The following NBAS variants were observed in gnomAD, a reference collection of about 807,000 sequenced individuals.
The protein encoded by NBAS is NAG/BC035112 fusion.
Under a neutral mutation model 302.5 loss-of-function variants are expected in NBAS, and 219 were observed. The observed-to-expected ratio is 0.72, with a 90% confidence interval of 0.65 to 0.81. NBAS has a LOEUF of 0.81. Ranked by LOEUF, NBAS falls within the 30% of genes least tolerant of loss-of-function variation. The pLI is 0.00. For missense variants in NBAS, 2,932 were observed against 2,841.6 expected (o/e 1.03, Z -0.72); for synonymous variants, 1,118 against 1,021.6 (o/e 1.09, Z -1.80).
At chr2:14,897,995 A>C in the NBAS span, among the ~76,000 whole-genome samples, 1 of 152,164 alleles carries the variant, frequency 6.6e-6, no homozygotes, top group Non-Finnish European at 1.5e-5. Flanking sequence ...GGAGGGTCCC[A>C]GTGTTTGTTC....
the NBAS span, among the ~76,000 whole-genome samples, chr2:14,850,818 C>A: frequency 4.4e-5 from 4 of 90,066 alleles, no homozygotes; most frequent in Non-Finnish European, 7.8e-5. Context: ...ACAACCTGCT[C>A]CTGAATGACT....
At chr2:15,552,954 G>A (rs946621824) in intron 5 of NBAS, among the ~76,000 whole-genome samples, 1 of 152,072 alleles carries the variant, frequency 6.6e-6, no homozygotes, top group African/African-American at 2.4e-5. Context: ...ACAGGTGTGC[G>A]CCACCATGCC....
the NBAS span, among the ~76,000 whole-genome samples, chr2:14,849,360 C>T: frequency 1.4e-4 from 21 of 150,210 alleles, no homozygotes; most frequent in African/African-American, 3.4e-4. Flanking sequence ...TGAAATGAAG[C>T]GAGAAGGGAA....
the NBAS span, among the ~76,000 whole-genome samples, chr2:14,867,742 G>C: frequency 6.6e-6 from 1 of 152,036 alleles, no homozygotes; most frequent in Non-Finnish European, 1.5e-5. Flanking sequence ...TTTTGTTGTG[G>C]TTTATTTGCT....
intron 26 of NBAS, among the ~76,000 whole-genome samples, chr2:15,399,694 A>C (rs59232044): frequency 0.015 from 2,282 of 152,290 alleles, 59 homozygotes; most frequent in African/African-American, 0.052. Flanking sequence ...ACATACCCTA[A>C]AGGTCTGAAG....
In NBAS at chr2:15,334,156, G is replaced by T. The variant is rs919637783; in HGVS notation, c.4180-3391C>A. 7.3e-5 allele frequency among the ~76,000 whole-genome samples: 11 copies of T among 151,466 alleles called. No individual in the cohort carries two copies. The East Asian group carries it at 2.1e-3, about 29-fold the overall frequency. ...TTAAATAAGCTGCCTACAGACAACT[G>T]GCCTAGAGGTGTCTCCTCCTCTCTT... On this transcript the variant is annotated intron_variant, in intron 35 of 51. Transcript: ENST00000281513.
At chr2:15,272,745 C>G (rs1669377875) in intron 44 of NBAS, among the ~76,000 whole-genome samples, 1 of 152,124 alleles carries the variant, frequency 6.6e-6, no homozygotes, top group Admixed American at 6.5e-5. Context: ...GAAAGCAATA[C>G]AGTAATTAGC....
chr2:15,228,099 C>T (rs960435164), intron 47 of NBAS, among the ~76,000 whole-genome samples: 22 of 151,890 alleles, frequency 1.4e-4, no homozygotes, highest in East Asian at 1.3e-3. Flanking sequence ...TCAGATAAGG[C>T]GTTAATATTC....
At chr2:14,849,731 C>T in the NBAS span, among the ~76,000 whole-genome samples, 2 of 142,640 alleles carry the variant, frequency 1.4e-5, no homozygotes, top group Admixed American at 6.7e-5. Context: ...CAGCAGATCT[C>T]TTGTCAGAAA....
chr2:14,853,859 G>A, the NBAS span, among the ~76,000 whole-genome samples: 1 of 129,144 alleles, frequency 7.7e-6, no homozygotes, highest in South Asian at 2.6e-4. Context: ...ACTCATAGGT[G>A]GGAATTGAAC....
the NBAS span, among the ~76,000 whole-genome samples, chr2:14,807,785 A>G: frequency 6.8e-4 from 104 of 152,172 alleles, 1 homozygote; most frequent in Non-Finnish European, 1.3e-3. Flanking sequence ...CTTCTCTAAG[A>G]CTTGGCTTTT....
chr2:14,788,736 C>T, the NBAS span, among the ~76,000 whole-genome samples: 694 of 152,266 alleles, frequency 4.6e-3, 3 homozygotes, highest in Middle Eastern at 0.021. Context: ...TCAGTCTGCC[C>T]CTACTGGGGG....
intron 9 of NBAS, among the ~76,000 whole-genome samples, chr2:15,522,737 A>G (rs1023104118): frequency 1.1e-3 from 173 of 152,362 alleles, no homozygotes; most frequent in African/African-American, 4.0e-3. Flanking sequence ...CCACAGGGTT[A>G]TGGGCGCCAG....
At chr2:15,112,049 T>A in the NBAS span, among the ~76,000 whole-genome samples, 1 of 150,660 alleles carries the variant, frequency 6.6e-6, no homozygotes, top group Non-Finnish European at 1.5e-5. Context: ...CTCTGCAAAG[T>A]TATTGAAAGA....
At chr2:15,181,266 T>C (rs749034893) in intron 50 of NBAS, among the ~76,000 whole-genome samples, 2 of 152,210 alleles carry the variant, frequency 1.3e-5, no homozygotes, top group Admixed American at 6.5e-5. Flanking sequence ...TTGGCTTTCA[T>C]GACAAATTTT....
chr2:15,456,238 C>T (rs1679242843), intron 21 of NBAS, among the ~76,000 whole-genome samples: 1 of 152,158 alleles, frequency 6.6e-6, no homozygotes, highest in Non-Finnish European at 1.5e-5. Context: ...AGAAGTTTCC[C>T]AGCTTTCATA....
chr2:15,189,547 G>A (rs1665245799), intron 49 of NBAS, among the ~76,000 whole-genome samples: 1 of 143,406 alleles, frequency 7.0e-6, no homozygotes, highest in Non-Finnish European at 1.5e-5. Flanking sequence ...CCAATGAGAA[G>A]CCACAGCTCA....
chr2:15,197,967 T>C (rs1665697157), intron 48 of NBAS, among the ~76,000 whole-genome samples: 1 of 152,236 alleles, frequency 6.6e-6, no homozygotes, highest in African/African-American at 2.4e-5. Flanking sequence ...AAAGAGGGTC[T>C]TTTTCCATGA....
chr2:15,309,361 C>G, intron 38 of NBAS, 114 bp from the exon 39 acceptor site: 1 of 839,702 alleles, frequency 1.2e-6, no homozygotes, highest in Non-Finnish European at 1.9e-6. Flanking sequence ...TGGCAGAGAC[C>G]TTTTAGGAAA....
Sources: gnomAD v4.1 joint callset for allele counts (sites outside exome capture counted in the v4.1 genomes callset) on GRCh38, gnomAD v4.1.1 for gene constraint, MANE v1.5 for transcripts, NCBI Gene and HGNC (gene_info 2026-07-23, HGNC 2026-07-21) for gene names.